The following STOX2 variants were observed in gnomAD, a reference collection of about 807,000 sequenced individuals.
The protein encoded by STOX2 is storkhead-box protein 2.
A neutral mutation model predicts 60.9 loss-of-function variants in STOX2; 28 were observed. That is an observed-to-expected ratio of 0.46 (90% confidence interval 0.34 to 0.63). STOX2 has a LOEUF of 0.63. Among genes scored for constraint, STOX2 ranks in the 30% least tolerant of loss-of-function variants. STOX2 has a pLI of 0.01. For missense variants in STOX2, 1,024 were observed against 1,187.7 expected (o/e 0.86, Z 2.03); for synonymous variants, 472 against 463.9 (o/e 1.02, Z -0.22).
chr4:183,908,592 G>GTTTTTTTTTTTTTTTTTTTTTTTTTTTTT (rs10671305), intron 1 of STOX2, among the ~76,000 whole-genome samples: 1 of 126,714 alleles, frequency 7.9e-6, no homozygotes, highest in African/African-American at 3.1e-5. Context: ...CAGGCAGCCA[G>GTTTTTTTTTTTTTTTTTTTTTTTTTTTTT]TTTTTTTTTT....
chr4:183,884,334 GA>G, intron 1 of STOX2, among the ~76,000 whole-genome samples: 1 of 150,800 alleles, frequency 6.6e-6, no homozygotes, highest in East Asian at 1.9e-4. Context: ...GAGCAGATGT[GA>G]ATACCTTGAG....
chr4:183,928,400 C>G (rs1742308791), intron 1 of STOX2, among the ~76,000 whole-genome samples: 1 of 152,208 alleles, frequency 6.6e-6, no homozygotes, highest in Non-Finnish European at 1.5e-5. Context: ...ACTTCAATGT[C>G]TGCAGGAGCT....
At position 183,891,358 on chromosome 4, in the gene STOX2, TTATATATATATATATATATATATATATA is replaced by T. The variant is rs60300009; in HGVS notation, c.364+93325_364+93352del. Among the ~76,000 whole-genome samples, 45 of 85,162 alleles carry T rather than the reference TTATATATATATATATATATATATATATA, an allele frequency of 5.3e-4. 2 individuals carry two copies. The highest frequency in any genetic ancestry group is 2.4e-3 in the South Asian group (6 of 2,450). 55.9% of individuals were successfully genotyped at this position (85,162 alleles called of 152,430 possible). Reference sequence around the variant, plus strand: ...TGATGGAATATATATATGATGGAATTTATATATATATATATATATATATATATATATATATATATATATATATATGATG... The same window carrying T: ...TGATGGAATATATATATGATGGAATTTATATATATATATATATATATGATG... On this transcript the variant is annotated intron_variant, in intron 1 of 2. Coordinates refer to the STOX2 transcript ENST00000513034.
chr4:183,821,818 T>G lies in STOX2; in HGVS notation c.364+23763T>G, dbSNP rs1249518681. On this transcript the variant is annotated intron_variant, in intron 1 of 2. Transcript: ENST00000513034. This position sits in a 1 kb window ranked among gnomAD's most constrained non-coding sequence, Gnocchi z 4.2. The stretch of plus-strand genomic sequence containing the variant: ...TGTCCCTGTTCCTGCCGGGCTGCAT[T>G]CTGACCCCTGCCCCAGGTTTGTGAG... Among the ~76,000 whole-genome samples the G allele has an allele frequency of 1.3e-5, 2 of 152,226 alleles. No homozygotes were observed. Among genetic ancestry groups the G allele is most frequent in the Admixed American group, 6.5e-5 (1 of 15,280 alleles).
intron 1 of STOX2, among the ~76,000 whole-genome samples, chr4:183,944,062 T>C (rs577879285): frequency 7.4e-4 from 113 of 152,274 alleles, no homozygotes; most frequent in African/African-American, 2.6e-3. Flanking sequence ...AGAGAATACA[T>C]TCTGGTTGCA....
intron 1 of STOX2, among the ~76,000 whole-genome samples, chr4:183,989,173 T>G (rs1252048036): frequency 1.3e-4 from 6 of 46,554 alleles, no homozygotes; most frequent in Non-Finnish European, 2.1e-4. Flanking sequence ...TTTCTGGTTT[T>G]TTTTTTTTTT....
In STOX2 at chr4:183,836,671, T is replaced by C. The variant is rs1739715747; in HGVS notation, c.364+38616T>C. ...ACCTGGTATTAGTGAGCATCAGCAG[T>C]GTCCATCGCAGTCACCGTCTCCCAT... is the stretch of plus-strand genomic sequence containing the variant. On this transcript the variant is annotated intron_variant, in intron 1 of 2. Transcript: ENST00000513034. This position sits in a 1 kb window ranked among gnomAD's most constrained non-coding sequence, Gnocchi z 4.1. Among the ~76,000 whole-genome samples the C allele has an allele frequency of 6.6e-6, 1 of 152,174 alleles. No homozygotes were observed. The highest frequency in any genetic ancestry group is 2.1e-4 in the South Asian group (1 of 4,832).
intron 1 of STOX2, among the ~76,000 whole-genome samples, chr4:183,889,816 T>G (rs1482890986): frequency 2.6e-5 from 4 of 152,158 alleles, no homozygotes; most frequent in African/African-American, 9.7e-5. Context: ...GAGAGAATAT[T>G]CAAGGATGGC....
At chr4:183,892,088 T>C (rs1741229880) in intron 1 of STOX2, among the ~76,000 whole-genome samples, 2 of 152,228 alleles carry the variant, frequency 1.3e-5, no homozygotes, top group African/African-American at 4.8e-5. Context: ...AGCTATACTG[T>C]TTTAGTAAAA....
At chr4:183,971,175 A>C (rs1195670870) in intron 1 of STOX2, among the ~76,000 whole-genome samples, 1 of 152,360 alleles carries the variant, frequency 6.6e-6, no homozygotes, top group African/African-American at 2.4e-5. Flanking sequence ...TAAGGACCAC[A>C]AATACCAACA....
chr4:183,994,670 G>A (rs1042340968), intron 1 of STOX2, among the ~76,000 whole-genome samples: 5 of 152,188 alleles, frequency 3.3e-5, no homozygotes, highest in Non-Finnish European at 5.9e-5. Flanking sequence ...GGAAACGGGC[G>A]CAGAGCGGAT....
intron 1 of STOX2, among the ~76,000 whole-genome samples, chr4:183,892,473 G>A (rs1044738600): frequency 5.3e-5 from 8 of 152,072 alleles, no homozygotes; most frequent in African/African-American, 1.7e-4. Flanking sequence ...GTAGAGACGG[G>A]GTTTCACCGT....
intron 3 of STOX2, among the ~76,000 whole-genome samples, chr4:184,016,808 C>T (rs956933573): frequency 3.3e-5 from 5 of 152,130 alleles, no homozygotes; most frequent in Non-Finnish European, 2.9e-5. Context: ...GAAGTCGTTT[C>T]GTTGAGTGTG....
intron 1 of STOX2, among the ~76,000 whole-genome samples, chr4:183,889,917 C>T (rs1741167511): frequency 6.6e-6 from 1 of 152,214 alleles, no homozygotes; most frequent in Non-Finnish European, 1.5e-5. Context: ...TAAGGGATTA[C>T]TGCTGTTTAG....
chr4:183,975,504 G>C (rs1732413083), intron 1 of STOX2, among the ~76,000 whole-genome samples: 2 of 152,104 alleles, frequency 1.3e-5, no homozygotes, highest in Middle Eastern at 6.8e-3. Flanking sequence ...TATCACTATA[G>C]TCCCCACAAA....
chr4:183,989,189 T>G (rs113697040), intron 1 of STOX2, among the ~76,000 whole-genome samples: 1,854 of 42,414 alleles, frequency 0.044, 23 homozygotes, highest in South Asian at 0.12. Context: ...TTTTTTTTTT[T>G]TTTTGTTTGT....
At chr4:183,839,333 T>A (rs866007255) in intron 1 of STOX2, among the ~76,000 whole-genome samples, 12 of 152,206 alleles carry the variant, frequency 7.9e-5, no homozygotes, top group African/African-American at 2.7e-4. Flanking sequence ...TACCGTGACC[T>A]AGCCAAGTTG....
chr4:183,948,497 T>TG (rs1553980248), intron 1 of STOX2, among the ~76,000 whole-genome samples: 23 of 348 alleles, frequency 0.066, no homozygotes, highest in East Asian at 0.36. Context: ...CTTTCTCTAA[T>TG]ATGCAGCCTT....
chr4:183,889,833 C>T (rs1741165500), intron 1 of STOX2, among the ~76,000 whole-genome samples: 1 of 152,064 alleles, frequency 6.6e-6, no homozygotes, highest in Admixed American at 6.6e-5. Flanking sequence ...TGGCTGGAAA[C>T]CTTTGTTTTC....
Sources: gnomAD v4.1 joint callset for allele counts (sites outside exome capture counted in the v4.1 genomes callset) on GRCh38, gnomAD v4.1.1 for gene constraint, Gnocchi (gnomAD v3.1) non-coding constraint, MANE v1.5 for transcripts, NCBI Gene and HGNC (gene_info 2026-07-23, HGNC 2026-07-21) for gene names.